PCED1B: variants seen among roughly 807,000 people sequenced by gnomAD.
PCED1B encodes the protein PC-esterase domain containing 1B.
For synonymous variants in PCED1B, 251 were observed against 246.1 expected, an observed-to-expected ratio of 1.02 and a Z score of -0.19; for missense variants, 573 against 573.9, an observed-to-expected ratio of 1.00 and a Z score of 0.02.
intron 3 of PCED1B, among the ~76,000 whole-genome samples, chr12:47,233,776 G>C (rs1388393103): frequency 6.6e-6 from 1 of 152,148 alleles, no homozygotes; most frequent in African/African-American, 2.4e-5. Flanking sequence ...TCGATTTTCA[G>C]TTGCTTTCTG....
At chr12:47,084,256 T>A (rs899188248) in intron 1 of PCED1B, among the ~76,000 whole-genome samples, 1 of 152,226 alleles carries the variant, frequency 6.6e-6, no homozygotes, top group Non-Finnish European at 1.5e-5. Flanking sequence ...AAGTGTTGAA[T>A]TGCTCATGGA....
At chr12:47,165,950 T>C (rs1941531305) in intron 2 of PCED1B, among the ~76,000 whole-genome samples, 1 of 152,214 alleles carries the variant, frequency 6.6e-6, no homozygotes, top group African/African-American at 2.4e-5. Flanking sequence ...GTGTGATTTC[T>C]TTAGGCTACA....
intron 2 of PCED1B, among the ~76,000 whole-genome samples, chr12:47,150,788 C>T (rs1008216750): frequency 3.3e-5 from 5 of 151,900 alleles, no homozygotes; most frequent in South Asian, 2.1e-4. Context: ...GACTGGGGTC[C>T]GCAAGAGTCT....
intron 2 of PCED1B, among the ~76,000 whole-genome samples, chr12:47,177,625 C>A (rs998462943): frequency 2.6e-5 from 4 of 151,908 alleles, no homozygotes; most frequent in Non-Finnish European, 4.4e-5. Flanking sequence ...TGGGGGGTGG[C>A]AACTAGAAAC....
chr12:47,120,358 G>T (rs1402696533), intron 2 of PCED1B, among the ~76,000 whole-genome samples: 1 of 152,040 alleles, frequency 6.6e-6, no homozygotes, highest in Admixed American at 6.5e-5. Flanking sequence ...GAAAGCATTT[G>T]CCCACACAAA....
intron 2 of PCED1B, among the ~76,000 whole-genome samples, chr12:47,139,844 G>A (rs1940525989): frequency 1.3e-5 from 2 of 152,080 alleles, no homozygotes; most frequent in Non-Finnish European, 2.9e-5. Flanking sequence ...TTGGTGGAGA[G>A]TAGAGTGTAT....
At chr12:47,082,268 A>C (rs1347627841) in intron 1 of PCED1B, among the ~76,000 whole-genome samples, 1 of 152,150 alleles carries the variant, frequency 6.6e-6, no homozygotes, top group Admixed American at 6.5e-5. Flanking sequence ...ACATTCAATA[A>C]ATTTTTGATA....
intron 2 of PCED1B, among the ~76,000 whole-genome samples, chr12:47,198,009 A>G (rs1189855998): frequency 1.3e-5 from 2 of 152,228 alleles, no homozygotes; most frequent in Non-Finnish European, 2.9e-5. Context: ...CTTCCAGAAA[A>G]TAGAAGTGAA....
chr12:47,132,435 C>T (rs1316191106), intron 2 of PCED1B, among the ~76,000 whole-genome samples: 10 of 151,960 alleles, frequency 6.6e-5, no homozygotes, highest in Non-Finnish European at 1.2e-4. Context: ...GTGTAAATGG[C>T]CCAATACTAT....
intron 2 of PCED1B, among the ~76,000 whole-genome samples, chr12:47,142,985 A>C (rs924494540): frequency 6.6e-6 from 1 of 152,202 alleles, no homozygotes; most frequent in Non-Finnish European, 1.5e-5. Context: ...TTTCAATAGA[A>C]GCAGAAATGC....
intron 3 of PCED1B, among the ~76,000 whole-genome samples, chr12:47,227,279 C>T (rs867321051): frequency 3.9e-5 from 6 of 152,100 alleles, no homozygotes; most frequent in African/African-American, 9.7e-5. Flanking sequence ...TCAAGCGATT[C>T]TCCCGCCTCA....
intron 2 of PCED1B, among the ~76,000 whole-genome samples, chr12:47,123,820 T>C (rs1289597316): frequency 6.6e-6 from 1 of 152,076 alleles, no homozygotes; most frequent in Non-Finnish European, 1.5e-5. Flanking sequence ...CTCTCTTTCA[T>C]TCAAATTTTC....
intron 1 of PCED1B, among the ~76,000 whole-genome samples, chr12:47,093,366 C>T (rs1388303309): frequency 1.3e-5 from 2 of 148,558 alleles, no homozygotes; most frequent in African/African-American, 2.6e-5. Flanking sequence ...TTTGTTTTGT[C>T]TATTTTTTTT....
At chr12:47,084,883 C>T (rs1937904509) in intron 1 of PCED1B, among the ~76,000 whole-genome samples, 1 of 152,190 alleles carries the variant, frequency 6.6e-6, no homozygotes, top group Admixed American at 6.5e-5. Context: ...TGCCTGTAAT[C>T]CCAGCACTTT....
chr12:47,092,587 G>A (rs1284278996), intron 1 of PCED1B, among the ~76,000 whole-genome samples: 1 of 151,968 alleles, frequency 6.6e-6, no homozygotes, highest in Non-Finnish European at 1.5e-5. Flanking sequence ...GGTCATTCTT[G>A]ACCCAGTTCC....
chr12:47,093,356 TTTG>T (rs985634277), intron 1 of PCED1B, among the ~76,000 whole-genome samples: 1 of 150,402 alleles, frequency 6.6e-6, no homozygotes, highest in Non-Finnish European at 1.5e-5. Flanking sequence ...TTGTTGCGAA[TTTG>T]TTTTGTCTAT....
intron 2 of PCED1B, among the ~76,000 whole-genome samples, chr12:47,130,103 T>C (rs1046808862): frequency 1.3e-5 from 2 of 152,200 alleles, no homozygotes; most frequent in Non-Finnish European, 2.9e-5. Context: ...ATGCTACTGT[T>C]CAAAAGTAGT....
intron 2 of PCED1B, among the ~76,000 whole-genome samples, chr12:47,135,162 A>AG (rs1248222966): frequency 6.6e-6 from 1 of 152,212 alleles, no homozygotes; most frequent in Non-Finnish European, 1.5e-5. Context: ...CCATGTCCAT[A>AG]GATCTAGGTG....
intron 3 of PCED1B, among the ~76,000 whole-genome samples, chr12:47,226,769 A>G (rs1482271413): frequency 6.6e-6 from 1 of 152,208 alleles, no homozygotes; most frequent in Non-Finnish European, 1.5e-5. Context: ...TAAAATAGCT[A>G]CCAAAATGAA....
Sources: gnomAD v4.1 joint callset for allele counts (sites outside exome capture counted in the v4.1 genomes callset) on GRCh38, gnomAD v4.1.1 for gene constraint, MANE v1.5 for transcripts, NCBI Gene and HGNC (gene_info 2026-07-23, HGNC 2026-07-21) for gene names.